The following EIF3M variants were observed in gnomAD, a reference collection of about 807,000 sequenced individuals.
The protein encoded by EIF3M is B5 receptor.
A neutral mutation model predicts 49.7 loss-of-function variants in EIF3M; 25 were observed. The observed-to-expected ratio is 0.50, with a 90% CI of 0.37 to 0.70. The LOEUF (loss-of-function observed/expected upper bound fraction) is 0.70. Ranked by LOEUF, EIF3M falls within the 30% of genes least tolerant of loss-of-function variation. EIF3M has a pLI of 0.00. For synonymous variants in EIF3M, 156 were observed against 149.8 expected, an observed-to-expected ratio of 1.04 and a Z score of -0.30; for missense variants, 350 against 440.0, an observed-to-expected ratio of 0.80 and a Z score of 1.83.
Position 32,583,850 on chromosome 11 carries a change from C to G in EIF3M, c.-38C>G. ...AGTTCCCTTTTCCGGTCGGCGTGGT[C>G]TTGCGAGTGGAGTGTCCGCTGTGCC... On this transcript the variant is annotated 5_prime_UTR_variant, in exon 1 of 11. Coordinates refer to ENST00000531120, the MANE Select transcript of EIF3M (RefSeq NM_006360.6). 3 of 1,607,626 alleles carry G rather than the reference C, an allele frequency of 1.9e-6. No homozygotes were observed. Among genetic ancestry groups the G allele is most frequent in the Non-Finnish European group, 2.6e-6 (3 of 1,175,668 alleles).
intron 5 of EIF3M, among the ~76,000 whole-genome samples, chr11:32,590,152 G>C (rs946319819): frequency 6.6e-6 from 1 of 152,070 alleles, no homozygotes; most frequent in African/African-American, 2.4e-5. Context: ...TACTAAGAAT[G>C]GTTTTAACAT....
At chr11:32,600,575 T>C (rs1413428976) in intron 8 of EIF3M, 114 bp from the exon 9 acceptor site, 1 of 1,266,374 alleles carries the variant, frequency 7.9e-7, no homozygotes, top group African/African-American at 1.5e-5. Flanking sequence ...GCTCAAACAA[T>C]AATTTCCACA....
rs1412113165 is a variant in EIF3M at position 32,602,273 on chromosome 11, T to G, written c.1005-6T>G. ...CTAACACTGTGTTTAATTTTTCAAT[T>G]TTTAGTCATAGCACACATCGGACAT... On this transcript the variant is annotated splice_region_variant and splice_polypyrimidine_tract_variant and intron_variant, in intron 10 of 10. Coordinates refer to ENST00000531120, the MANE Select transcript of EIF3M (RefSeq NM_006360.6). The G allele has an allele frequency of 6.2e-7, 1 of 1,605,930 alleles. No individual in the cohort carries two copies. Among genetic ancestry groups the G allele is most frequent in the East Asian group, 2.2e-5 (1 of 44,706 alleles).
intron 6 of EIF3M, 197 bp downstream of exon 6, chr11:32,594,146 G>A: frequency 2.7e-6 from 1 of 376,266 alleles, no homozygotes; most frequent in Non-Finnish European, 4.7e-6. Flanking sequence ...TGAATATGAA[G>A]TAGCTGCATG....
intron 8 of EIF3M, among the ~76,000 whole-genome samples, chr11:32,596,621 GAAAGA>G (rs1177831752): frequency 7.6e-6 from 1 of 131,326 alleles, no homozygotes; most frequent in Non-Finnish European, 1.7e-5. Flanking sequence ...AAAAAAAAAA[GAAAGA>G]AAAGAAAACA....
At chr11:32,598,204 T>G (rs1460636154) in intron 8 of EIF3M, among the ~76,000 whole-genome samples, 1 of 152,200 alleles carries the variant, frequency 6.6e-6, no homozygotes, top group Admixed American at 6.5e-5. Context: ...GATGTGTAAT[T>G]GACTGTTTCA....
intron 5 of EIF3M, among the ~76,000 whole-genome samples, chr11:32,591,386 T>C (rs1348999682): frequency 1.3e-5 from 2 of 152,248 alleles, no homozygotes; most frequent in Non-Finnish European, 2.9e-5. Flanking sequence ...GTCATTATAC[T>C]TTTTAATTTT....
chr11:32,599,316 A>G (rs1166586841), intron 8 of EIF3M, among the ~76,000 whole-genome samples: 1 of 151,970 alleles, frequency 6.6e-6, no homozygotes, highest in African/African-American at 2.4e-5. Flanking sequence ...GCGCCTGTAG[A>G]TTTCCATTAA....
In EIF3M at chr11:32,604,246, C is replaced by CCTGAGTACCT. The variant is rs1320039338; in HGVS notation, c.*1848_*1857dup. ...TCAGGTGATCCTCCCACCTTCACCT[C>CCTGAGTACCT]CTGAGTACCTTGGACTACAGGCATG... On this transcript the variant is annotated 3_prime_UTR_variant, in exon 11 of 11. Coordinates refer to ENST00000531120, the MANE Select transcript of EIF3M (RefSeq NM_006360.6). 1 of 152,274 alleles carries CCTGAGTACCT rather than the reference C, an allele frequency of 6.6e-6. No homozygotes were observed. 9.4% of individuals were successfully genotyped at this position (152,274 alleles called of 1,614,324 possible). A position where few individuals can be genotyped will look rare whatever the true frequency, so the allele number is the denominator to read the frequency against.
chr11:32,596,312 G>A (rs537258136), intron 8 of EIF3M, among the ~76,000 whole-genome samples: 1 of 152,322 alleles, frequency 6.6e-6, no homozygotes, highest in East Asian at 1.9e-4. Context: ...ACAACTCGGG[G>A]CCCAGCGCGG....
At position 32,589,121 on chromosome 11, in the gene EIF3M, A is replaced by G. The variant is rs780588966; in HGVS notation, c.424A>G (p.Thr142Ala). ...TTGTGGGGCCATCCAGTACATCCCA[A>G]CTGAGCTGGATCAAGTGAGTTACTG... ...ASCGAIQYIP[T>A]ELDQVRKWIS... The change falls in exon 4 of 11, where the codon ACT becomes GCT. Residue 142 changes from threonine (T) to alanine (A), a missense_variant. Transcript: ENST00000531120. The G allele has an allele frequency of 4.0e-5, 65 of 1,614,080 alleles. No homozygotes were observed. The highest frequency in any genetic ancestry group is 1.5e-4 in the South Asian group (14 of 91,086).
At chr11:32,595,889 T>G in intron 7 of EIF3M, 77 bp from the exon 8 acceptor site, 2 of 1,081,940 alleles carry the variant, frequency 1.8e-6, no homozygotes, top group South Asian at 3.0e-5. Context: ...AAAATAATAT[T>G]TACAATATCT....
At chr11:32,596,086 G>T (rs1402678675) in intron 8 of EIF3M, 39 bp downstream of exon 8, 2 of 1,436,706 alleles carry the variant, frequency 1.4e-6, no homozygotes, top group Non-Finnish European at 1.9e-6. Context: ...ACAGAGGTGG[G>T]AACATGATAC....
At position 32,604,393 on chromosome 11, in the gene EIF3M, G is replaced by A. The variant is rs1855318825; in HGVS notation, c.*1994G>A. Reference sequence around the variant, plus strand: ...CCCAAAGTTCTAGGATTACAGGAGTGAGCCATACTGTGTTGTGTTTTAGTT... The same window carrying A: ...CCCAAAGTTCTAGGATTACAGGAGTAAGCCATACTGTGTTGTGTTTTAGTT... On this transcript the variant is annotated 3_prime_UTR_variant, in exon 11 of 11. Transcript: ENST00000531120. 1 of 152,170 alleles carries A rather than the reference G, an allele frequency of 6.6e-6. No homozygotes were observed. The highest frequency in any genetic ancestry group is 2.4e-5 in the African/African-American group (1 of 41,448). 9.4% of individuals were successfully genotyped at this position (152,170 alleles called of 1,614,324 possible). A position where few individuals can be genotyped will look rare whatever the true frequency, so the allele number is the denominator to read the frequency against.
chr11:32,598,698 T>C (rs1855215590), intron 8 of EIF3M, among the ~76,000 whole-genome samples: 1 of 152,102 alleles, frequency 6.6e-6, no homozygotes, highest in Non-Finnish European at 1.5e-5. Flanking sequence ...TATGGTAAGA[T>C]TGTAACTGCA....
intron 6 of EIF3M, chr11:32,594,186 G>T (rs571157302): frequency 7.7e-5 from 25 of 323,314 alleles, no homozygotes; most frequent in Admixed American, 2.0e-4. Flanking sequence ...GGTATTGCTG[G>T]TATGGGGATG....
chr11:32,605,093 C>T lies in EIF3M; in HGVS notation c.*2694C>T, dbSNP rs1164099257. 2 of 151,320 alleles carry T rather than the reference C, an allele frequency of 1.3e-5. No homozygotes were observed. Among genetic ancestry groups the T allele is most frequent in the Non-Finnish European group, 2.9e-5 (2 of 68,010 alleles). 9.4% of individuals were successfully genotyped at this position (151,320 alleles called of 1,614,324 possible). ...GGTCTCGAACGCCTGACCTCATGAT[C>T]CACCTGCCTCGGCCTCCCAAAGTGT... On this transcript the variant is annotated 3_prime_UTR_variant, in exon 11 of 11. Coordinates refer to ENST00000531120, the MANE Select transcript of EIF3M (RefSeq NM_006360.6).
chr11:32,598,584 A>G (rs984551738), intron 8 of EIF3M, among the ~76,000 whole-genome samples: 3 of 152,082 alleles, frequency 2.0e-5, no homozygotes, highest in African/African-American at 7.2e-5. Context: ...TTAAACATCA[A>G]TTTAAAGTGT....
At chr11:32,587,199 T>C in intron 2 of EIF3M, 55 bp downstream of exon 2, 1 of 1,504,290 alleles carries the variant, frequency 6.6e-7, no homozygotes, top group Non-Finnish European at 8.9e-7. Context: ...AAATTTTTCT[T>C]GTGAATTATA....
Sources: gnomAD v4.1 joint callset for allele counts (sites outside exome capture counted in the v4.1 genomes callset) on GRCh38, gnomAD v4.1.1 for gene constraint, MANE v1.5 for transcripts, NCBI Gene and HGNC (gene_info 2026-07-23, HGNC 2026-07-21) for gene names.